Variants in DPH6 observed in about 807,000 individuals in gnomAD.
DPH6 encodes diphthine--ammonia ligase.
In DPH6, 33 loss-of-function variants were observed where a neutral mutation model predicts 38.2. The observed-to-expected ratio is 0.86, with a 90% CI of 0.65 to 1.15. The LOEUF (loss-of-function observed/expected upper bound fraction) is 1.15. Ranked by LOEUF, DPH6 falls within the 50% of genes most tolerant of loss-of-function variation. The pLI is 0.00. For missense variants in DPH6, 325 were observed against 320.0 expected (o/e 1.02, Z -0.12); for synonymous variants, 108 against 103.0 (o/e 1.05, Z -0.30).
At chr15:35,248,710 G>A (rs2051651977) in intron 3 of DPH6, among the ~76,000 whole-genome samples, 1 of 152,160 alleles carries the variant, frequency 6.6e-6, no homozygotes, top group Non-Finnish European at 1.5e-5. Flanking sequence ...AGGGGTGTCA[G>A]CCATGACCTT....
intron 1 of DPH6, among the ~76,000 whole-genome samples, chr15:35,543,421 A>ACT (rs2055296098): frequency 6.6e-6 from 1 of 151,800 alleles, no homozygotes; most frequent in African/African-American, 2.4e-5. Context: ...GACAAGCAGT[A>ACT]GCTCATCTAT....
intron 3 of DPH6, among the ~76,000 whole-genome samples, chr15:35,346,430 CAG>C (rs1217990261): frequency 1.3e-5 from 2 of 152,028 alleles, no homozygotes; most frequent in African/African-American, 4.8e-5. Context: ...AGTTTATTGG[CAG>C]AGAGTAGTTG....
intron 7 of DPH6, among the ~76,000 whole-genome samples, chr15:35,379,137 A>C (rs2052827001): frequency 6.6e-6 from 1 of 152,180 alleles, no homozygotes; most frequent in Non-Finnish European, 1.5e-5. Flanking sequence ...CCGTTGTTAC[A>C]TCCCGTTCTC....
chr15:35,153,973 T>A, the DPH6 span, among the ~76,000 whole-genome samples: 1 of 152,116 alleles, frequency 6.6e-6, no homozygotes, highest in African/African-American at 2.4e-5. Context: ...AGAAGCTGCA[T>A]AATTGAGTAG....
exon 4 of DPH6, chr15:35,219,601 C>G (rs1238749956): frequency 2.6e-5 from 4 of 152,130 alleles, no homozygotes; most frequent in African/African-American, 4.8e-5. Context: ...TATTTAGATT[C>G]ATAATGAGAA....
the DPH6 span, among the ~76,000 whole-genome samples, chr15:35,186,626 C>T: frequency 7.2e-5 from 11 of 152,156 alleles, no homozygotes; most frequent in Non-Finnish European, 1.5e-5. Flanking sequence ...GTCTTTATTC[C>T]AAACATGAAT....
At chr15:35,386,773 T>G (rs576580113) in intron 6 of DPH6, among the ~76,000 whole-genome samples, 11 of 152,326 alleles carry the variant, frequency 7.2e-5, no homozygotes, top group African/African-American at 2.6e-4. Flanking sequence ...TGCAAAAATT[T>G]TCTCCCATTT....
chr15:35,397,890 C>T (rs1372161449), intron 6 of DPH6, among the ~76,000 whole-genome samples: 3 of 151,532 alleles, frequency 2.0e-5, no homozygotes, highest in Non-Finnish European at 4.4e-5. Flanking sequence ...CACACACACA[C>T]ACACACACAC....
At chr15:35,370,260 G>A (rs1426583697), downstream of DPH6, among the ~76,000 whole-genome samples, 1 of 151,594 alleles carries the variant, frequency 6.6e-6, no homozygotes, top group Non-Finnish European at 1.5e-5. Flanking sequence ...AGATAATCCA[G>A]ATGACCTTGG....
chr15:35,381,761 T>C, intron 7 of DPH6, 61 bp downstream of exon 7: 1 of 1,376,746 alleles, frequency 7.3e-7, no homozygotes, highest in Non-Finnish European at 1.0e-6. Flanking sequence ...AGCTTAATGT[T>C]CAGTTGCTTC....
the DPH6 span, among the ~76,000 whole-genome samples, chr15:35,164,471 T>C: frequency 6.6e-6 from 1 of 151,700 alleles, no homozygotes; most frequent in Non-Finnish European, 1.5e-5. Context: ...CGCTGCTTTC[T>C]TAAAAAAAAA....
At chr15:35,199,193 G>A in the DPH6 span, among the ~76,000 whole-genome samples, 4 of 152,162 alleles carry the variant, frequency 2.6e-5, no homozygotes, top group Non-Finnish European at 4.4e-5. Flanking sequence ...GATTACAGGC[G>A]TGAGCCACCA....
chr15:35,412,351 G>A (rs748367939), intron 5 of DPH6, among the ~76,000 whole-genome samples: 6 of 151,624 alleles, frequency 4.0e-5, no homozygotes, highest in Non-Finnish European at 7.4e-5. Context: ...CCAAAAGCTG[G>A]CAAGGATGTA....
intron 3 of DPH6, among the ~76,000 whole-genome samples, chr15:35,361,000 C>T (rs59462431): frequency 0.03 from 4,572 of 152,216 alleles, 237 homozygotes; most frequent in African/African-American, 0.1. Flanking sequence ...GATCCACAGC[C>T]GGGACTAAGT....
At chr15:35,148,313 TTATTC>T in the DPH6 span, among the ~76,000 whole-genome samples, 1 of 152,238 alleles carries the variant, frequency 6.6e-6, no homozygotes, top group Non-Finnish European at 1.5e-5. Context: ...TAATTATAGT[TTATTC>T]TATAAATTCC....
At chr15:35,178,363 A>G in the DPH6 span, among the ~76,000 whole-genome samples, 4 of 152,224 alleles carry the variant, frequency 2.6e-5, no homozygotes, top group African/African-American at 9.6e-5. Flanking sequence ...AAATCATGGC[A>G]GAAGGCAATG....
chr15:35,163,266 A>G, the DPH6 span, among the ~76,000 whole-genome samples: 1 of 151,830 alleles, frequency 6.6e-6, no homozygotes, highest in Non-Finnish European at 1.5e-5. Flanking sequence ...ATAGAGCCCA[A>G]GTTTTACTGC....
At chr15:35,278,917 C>T (rs2051876790) in intron 3 of DPH6, among the ~76,000 whole-genome samples, 1 of 151,700 alleles carries the variant, frequency 6.6e-6, no homozygotes, top group Admixed American at 6.6e-5. Context: ...GGCGTGGTGG[C>T]ACATGCCTGT....
chr15:35,437,964 A>G (rs1595563088), intron 5 of DPH6, among the ~76,000 whole-genome samples: 2 of 152,224 alleles, frequency 1.3e-5, no homozygotes, highest in East Asian at 1.9e-4. Flanking sequence ...ATCACCTTGA[A>G]TTTTCCTTCC....
Sources: allele counts gnomAD v4.1 joint callset (sites outside exome capture counted in the v4.1 genomes callset), GRCh38; gene constraint gnomAD v4.1.1; transcripts MANE v1.5; gene names NCBI Gene and HGNC (gene_info 2026-07-23, HGNC 2026-07-21).